The following KCNA6 variants were observed in gnomAD, a reference collection of about 807,000 sequenced individuals.
The protein encoded by KCNA6 is potassium voltage-gated channel subfamily A member 6, also known as human brain potassium channel-2.
A neutral mutation model predicts 29.5 loss-of-function variants in KCNA6; 17 were observed. The ratio of observed to expected loss-of-function variants is 0.58; its 90% CI spans 0.39 to 0.86. KCNA6 has a LOEUF of 0.86. Ranked by LOEUF, KCNA6 falls within the 40% of genes least tolerant of loss-of-function variation. The pLI, the probability that KCNA6 is intolerant of heterozygous loss-of-function variation, is 0.00. For missense variants in KCNA6, 450 were observed against 703.4 expected (o/e 0.64, Z 4.07); for synonymous variants, 296 against 304.7 (o/e 0.97, Z 0.30).
At chr12:4,850,718 T>G in the KCNA6 span, 1 of 412,342 alleles carries the variant, frequency 2.4e-6, no homozygotes, top group South Asian at 1.6e-5. This position sits in a 1 kb window ranked among gnomAD's most constrained non-coding sequence, Gnocchi z 5.4. Flanking sequence ...TGTCCTTTTG[T>G]TCTGGTTCCT....
chr12:4,846,017 C>T, the KCNA6 span, among the ~76,000 whole-genome samples: 15 of 120,096 alleles, frequency 1.2e-4, no homozygotes, highest in Non-Finnish European at 1.8e-4. Context: ...TTTGCATATA[C>T]ATAATGAGTT....
the KCNA6 span, among the ~76,000 whole-genome samples, chr12:4,829,818 A>C: frequency 6.6e-6 from 1 of 152,168 alleles, no homozygotes. Context: ...CACATTTTAC[A>C]ACTCTCTTTC....
the KCNA6 span, among the ~76,000 whole-genome samples, chr12:4,834,948 GA>G: frequency 6.6e-6 from 1 of 152,268 alleles, no homozygotes; most frequent in African/African-American, 2.4e-5. Context: ...ACCAGGGACT[GA>G]AAAGCAAGCT....
chr12:4,844,468 T>C, the KCNA6 span, among the ~76,000 whole-genome samples: 1 of 152,040 alleles, frequency 6.6e-6, no homozygotes, highest in African/African-American at 2.4e-5. The surrounding 1 kb of genome is among the most constrained non-coding windows in gnomAD (Gnocchi z 4.0). Flanking sequence ...GCCTGAAGGA[T>C]GGGAGGACTG....
chr12:4,834,957 G>A, the KCNA6 span, among the ~76,000 whole-genome samples: 1 of 152,146 alleles, frequency 6.6e-6, no homozygotes, highest in Non-Finnish European at 1.5e-5. Flanking sequence ...TGAAAAGCAA[G>A]CTGGTTTTGA....
chr12:4,814,531 G>T (rs2058205), downstream of KCNA6: 48,896 of 167,012 alleles, frequency 0.29, 7,557 homozygotes, highest in East Asian at 0.53. This position sits in a 1 kb window ranked among gnomAD's most constrained non-coding sequence, Gnocchi z 4.6. Flanking sequence ...GAAGAATTTT[G>T]TCAAGTGATC....
the KCNA6 span, among the ~76,000 whole-genome samples, chr12:4,829,025 C>T: frequency 6.6e-6 from 1 of 152,156 alleles, no homozygotes; most frequent in Non-Finnish European, 1.5e-5. Context: ...CATGGATATG[C>T]AAGTGTTTGT....
the KCNA6 span, among the ~76,000 whole-genome samples, chr12:4,824,044 G>A: frequency 6.6e-6 from 1 of 152,174 alleles, no homozygotes; most frequent in African/African-American, 2.4e-5. Context: ...GTGTCTGCCT[G>A]TGTGACCCGG....
At chr12:4,816,290 G>C (rs943258634), downstream of KCNA6, among the ~76,000 whole-genome samples, 1 of 129,412 alleles carries the variant, frequency 7.7e-6, no homozygotes, top group African/African-American at 2.8e-5. Context: ...GTGTGTGTGT[G>C]TGTGTGTCTG....
the KCNA6 span, among the ~76,000 whole-genome samples, chr12:4,832,864 C>G: frequency 6.6e-6 from 1 of 152,156 alleles, no homozygotes; most frequent in African/African-American, 2.4e-5. Context: ...CCTTGTGTTG[C>G]TGTACATTTT....
chr12:4,837,071 G>T, the KCNA6 span, among the ~76,000 whole-genome samples: 1 of 152,112 alleles, frequency 6.6e-6, no homozygotes, highest in Non-Finnish European at 1.5e-5. Flanking sequence ...TTTCAATCCT[G>T]CCCCCCACAA....
At chr12:4,833,951 C>T in the KCNA6 span, among the ~76,000 whole-genome samples, 11 of 125,048 alleles carry the variant, frequency 8.8e-5, no homozygotes, top group Non-Finnish European at 8.6e-5. Context: ...TTTTTTTAGA[C>T]AGGGTCTTCC....
the KCNA6 span, among the ~76,000 whole-genome samples, chr12:4,838,346 C>G: frequency 4.6e-5 from 7 of 152,168 alleles, no homozygotes; most frequent in Non-Finnish European, 8.8e-5. Flanking sequence ...CCTGGCTTGT[C>G]TAGGAGCCCT....
rs2137573259 is a variant in KCNA6 at position 4,811,082 on chromosome 12, C to T, written c.1041C>T (p.Val347=). The T allele has an allele frequency of 6.2e-7, 1 of 1,613,748 alleles. No individual in the cohort carries two copies. The highest frequency in any genetic ancestry group is 2.2e-5 in the East Asian group (1 of 44,850). ...CCATCCTCCGAGTCATCCGCCTGGT[C>T]CGGGTGTTCCGCATCTTCAAGCTCT... The change falls in exon 1 of 1, where the codon GTC becomes GTT. Residue 347 remains valine, a synonymous_variant. Transcript: ENST00000280684. The surrounding 1 kb of genome is among the most constrained non-coding windows in gnomAD (Gnocchi z 7.1).
chr12:4,847,923 T>C, the KCNA6 span, among the ~76,000 whole-genome samples: 1 of 152,202 alleles, frequency 6.6e-6, no homozygotes, highest in East Asian at 1.9e-4. Context: ...CCTTTGGTTT[T>C]TCCAGGAAAA....
the KCNA6 span, among the ~76,000 whole-genome samples, chr12:4,825,305 C>T: frequency 6.6e-6 from 1 of 152,208 alleles, no homozygotes; most frequent in Non-Finnish European, 1.5e-5. Context: ...TTCAGAAATG[C>T]TGCCTCTTGG....
chr12:4,828,584 A>G, the KCNA6 span, among the ~76,000 whole-genome samples: 1 of 152,216 alleles, frequency 6.6e-6, no homozygotes, highest in Admixed American at 6.5e-5. Flanking sequence ...AGAAACAACA[A>G]TCACTGATAG....
At chr12:4,809,689 G>A (rs370925147) in exon 1 of KCNA6, 6 of 226,734 alleles carry the variant, frequency 2.6e-5, no homozygotes, top group African/African-American at 1.4e-4. Flanking sequence ...CTGCGTCCGG[G>A]AGCCGGGTCT....
chr12:4,837,324 A>G, the KCNA6 span, among the ~76,000 whole-genome samples: 1 of 152,166 alleles, frequency 6.6e-6, no homozygotes, highest in African/African-American at 2.4e-5. Flanking sequence ...AAACCCATAA[A>G]TGTAAGTAAG....
Sources: allele counts gnomAD v4.1 joint callset (sites outside exome capture counted in the v4.1 genomes callset), GRCh38; gene constraint gnomAD v4.1.1; non-coding constraint Gnocchi (gnomAD v3.1); transcripts MANE v1.5; gene names NCBI Gene and HGNC (gene_info 2026-07-23, HGNC 2026-07-21).